The following EIF4E variants were observed in gnomAD, a reference collection of about 807,000 sequenced individuals.
EIF4E encodes eukaryotic translation initiation factor 4E.
For synonymous variants in EIF4E, 71 were observed against 88.5 expected (o/e 0.80, Z 1.11); for missense variants, 113 against 265.6 (o/e 0.43, Z 3.99).
At chr4:98,923,221 C>T (rs1197195556) in intron 1 of EIF4E, among the ~76,000 whole-genome samples, 2 of 151,824 alleles carry the variant, frequency 1.3e-5, no homozygotes, top group East Asian at 1.9e-4. Context: ...AAAAAAACCC[C>T]TTATATTTCT....
chr4:98,900,644 G>C (rs1720835872), intron 2 of EIF4E, among the ~76,000 whole-genome samples: 1 of 152,094 alleles, frequency 6.6e-6, no homozygotes, highest in Non-Finnish European at 1.5e-5. Context: ...CTTTCCTCTA[G>C]ATTGTTACAA....
At chr4:98,894,181 C>A (rs891586231) in intron 2 of EIF4E, among the ~76,000 whole-genome samples, 1 of 152,200 alleles carries the variant, frequency 6.6e-6, no homozygotes, top group Non-Finnish European at 1.5e-5. Context: ...AGAGCATGGG[C>A]AGAGTGGATT....
intron 5 of EIF4E, chr4:98,886,240 G>C (rs1249861935): frequency 1.9e-5 from 4 of 211,406 alleles, no homozygotes; most frequent in African/African-American, 9.4e-5. Context: ...AAGTGCTAGG[G>C]ATACAAAAGA....
chr4:98,885,261 C>T (rs1325312027), intron 5 of EIF4E, among the ~76,000 whole-genome samples, 200 bp from the exon 6 acceptor site: 2 of 152,038 alleles, frequency 1.3e-5, no homozygotes, highest in African/African-American at 4.8e-5. Context: ...TCAAATCAGC[C>T]TTTTTCAGCA....
At chr4:98,893,639 G>A (rs1032381967) in intron 2 of EIF4E, among the ~76,000 whole-genome samples, 1 of 152,068 alleles carries the variant, frequency 6.6e-6, no homozygotes. Flanking sequence ...ACATCTTCAG[G>A]CTCCATTTCT....
At chr4:98,881,248 G>T in intron 6 of EIF4E, 106 bp from the exon 7 acceptor site, 2 of 1,481,756 alleles carry the variant, frequency 1.3e-6, no homozygotes, top group South Asian at 2.7e-5. Flanking sequence ...AAAAAACATA[G>T]ACTTGAGAAT....
chr4:98,881,800 A>G (rs186997932), intron 6 of EIF4E, among the ~76,000 whole-genome samples: 1 of 152,326 alleles, frequency 6.6e-6, no homozygotes, highest in Admixed American at 6.5e-5. Flanking sequence ...CTAATTTTCA[A>G]GTAAGACATG....
chr4:98,915,257 G>A (rs1159504888), intron 1 of EIF4E, among the ~76,000 whole-genome samples: 2 of 150,698 alleles, frequency 1.3e-5, no homozygotes, highest in African/African-American at 4.9e-5. Context: ...AAACCCGGCC[G>A]AAAATTAAGT....
intron 5 of EIF4E, 27 bp from the exon 6 acceptor site, chr4:98,885,088 T>A (rs766446576): frequency 6.2e-7 from 1 of 1,600,036 alleles, no homozygotes; most frequent in Non-Finnish European, 8.5e-7. Context: ...AAATTACATT[T>A]AATAGATTAT....
At chr4:98,883,612 C>T (rs1723793982) in intron 6 of EIF4E, among the ~76,000 whole-genome samples, 1 of 151,616 alleles carries the variant, frequency 6.6e-6, no homozygotes, top group African/African-American at 2.4e-5. Flanking sequence ...ACCGTGTTGG[C>T]CAGGATGGTC....
rs114306694 is a variant in EIF4E, at chr4:98,920,121, G to A, written c.18+8974C>T. ...ATTGTAATTGGGCAATTTGGAAAGG[G>A]GAATGAGGTGGTTGGGGAAGATAGG... On this transcript the variant is annotated intron_variant, in intron 1 of 6. Transcript: ENST00000450253. Among the ~76,000 whole-genome samples the A allele has an allele frequency of 4.3e-3, 650 of 152,208 alleles. 2 individuals are homozygous for A. Among genetic ancestry groups the A allele is most frequent in the South Asian group, 0.01 (50 of 4,828 alleles).
At position 98,891,642 on chromosome 4, in the gene EIF4E, T is replaced by C. The variant is rs563900059; in HGVS notation, c.126-310A>G. On this transcript the variant is annotated intron_variant, in intron 2 of 6. Coordinates refer to ENST00000450253, the MANE Select transcript of EIF4E (RefSeq NM_001968.5). ...TTCATAGAAACAAAAAGAATGGTGA[T>C]TGCCACTAGCCAAAGAGAAGGGAGT... The C allele has an allele frequency of 6.2e-5, 19 of 308,786 alleles. No homozygotes were observed. In the East Asian group the frequency reaches 1.1e-3, roughly 18 times the overall value. 19.1% of individuals were successfully genotyped at this position (308,786 alleles called of 1,614,324 possible).
intron 1 of EIF4E, among the ~76,000 whole-genome samples, chr4:98,926,766 C>A (rs1725886310): frequency 6.6e-6 from 1 of 152,208 alleles, no homozygotes; most frequent in East Asian, 1.9e-4. Flanking sequence ...TTACATTCAA[C>A]AAGACTCACA....
intron 1 of EIF4E, among the ~76,000 whole-genome samples, chr4:98,909,202 T>G (rs943862208): frequency 2.6e-5 from 4 of 152,214 alleles, no homozygotes; most frequent in African/African-American, 9.6e-5. Flanking sequence ...TGTATTATTA[T>G]GCACAGCAGG....
At chr4:98,918,360 GAAA>G (rs528302113) in intron 1 of EIF4E, among the ~76,000 whole-genome samples, 1 of 99,986 alleles carries the variant, frequency 1.0e-5, no homozygotes, top group African/African-American at 3.6e-5. Context: ...CTCCGTCTTG[GAAA>G]AAAAAAAAAA....
intron 3 of EIF4E, among the ~76,000 whole-genome samples, chr4:98,888,303 G>T (rs1349566086): frequency 6.6e-6 from 1 of 151,606 alleles, no homozygotes; most frequent in Non-Finnish European, 1.5e-5. Flanking sequence ...TTAATACACA[G>T]TTTTTTTCAC....
intron 3 of EIF4E, chr4:98,890,730 G>A (rs775116112): frequency 1.2e-4 from 19 of 154,776 alleles, no homozygotes; most frequent in Non-Finnish European, 1.4e-4. Context: ...TATTCTTCTT[G>A]AGGTTGATCA....
At chr4:98,924,077 G>T (rs1272362107) in intron 1 of EIF4E, among the ~76,000 whole-genome samples, 18 of 143,660 alleles carry the variant, frequency 1.3e-4, no homozygotes, top group African/African-American at 2.8e-4. Context: ...AACTTCTTTT[G>T]TTTATTTTTT....
chr4:98,897,378 T>C (rs773588014), intron 2 of EIF4E, among the ~76,000 whole-genome samples: 3 of 151,842 alleles, frequency 2.0e-5, no homozygotes, highest in Non-Finnish European at 4.4e-5. Flanking sequence ...CAAGACCAGC[T>C]TGGCCATCAT....
Sources: gnomAD v4.1 joint callset for allele counts (sites outside exome capture counted in the v4.1 genomes callset) on GRCh38, gnomAD v4.1.1 for gene constraint, MANE v1.5 for transcripts, NCBI Gene and HGNC (gene_info 2026-07-23, HGNC 2026-07-21) for gene names.